GPC3: variants seen among roughly 807,000 people sequenced by gnomAD.
GPC3 encodes the protein glypican-3.
In GPC3, 3 loss-of-function variants were observed where a neutral mutation model predicts 34.4. That is an observed-to-expected ratio of 0.09 (90% confidence interval 0.04 to 0.23). The LOEUF (loss-of-function observed/expected upper bound fraction) is 0.23. Ranked by LOEUF, GPC3 falls within the 10% of genes least tolerant of loss-of-function variation. GPC3 has a pLI of 1.00. For missense variants in GPC3, 351 were observed against 445.6 expected (o/e 0.79, Z 1.91); for synonymous variants, 177 against 174.0 (o/e 1.02, Z -0.13).
At chrX:133,669,387 CAT>C (rs1384765900) in intron 5 of GPC3, among the ~76,000 whole-genome samples, 2 of 112,505 alleles carry the variant, frequency 1.8e-5, no homozygotes, top group Non-Finnish European at 3.8e-5. Context: ...TTTCATGTAA[CAT>C]GTGTGCTCTG....
chrX:133,776,922 C>T (rs901727549), intron 2 of GPC3, among the ~76,000 whole-genome samples: 1 of 99,168 alleles, frequency 1.0e-5, no homozygotes, highest in Non-Finnish European at 2.0e-5. Flanking sequence ...CACTGTCGCC[C>T]GCGCTGGAGT....
At chrX:133,771,575 A>C (rs746015159) in intron 2 of GPC3, among the ~76,000 whole-genome samples, 1 of 112,011 alleles carries the variant, frequency 8.9e-6, no homozygotes, top group African/African-American at 3.2e-5. Flanking sequence ...ATCACTGAAA[A>C]TTCTATTTGT....
chrX:133,976,608 C>T (rs140443016), intron 1 of GPC3, among the ~76,000 whole-genome samples: 1,421 of 73,767 alleles, frequency 0.019, 10 homozygotes, highest in Middle Eastern at 0.078. Flanking sequence ...CCTCTTCAAT[C>T]GTAAGTTTTA....
chrX:133,903,947 G>T (rs1413767897), intron 2 of GPC3, among the ~76,000 whole-genome samples: 1 of 111,721 alleles, frequency 9.0e-6, no homozygotes, highest in East Asian at 2.8e-4. Flanking sequence ...CTGGCCCACA[G>T]GTACCCTGGC....
intron 3 of GPC3, among the ~76,000 whole-genome samples, chrX:133,705,549 A>T (rs2071207974): frequency 8.9e-6 from 1 of 112,201 alleles, no homozygotes; most frequent in Non-Finnish European, 1.9e-5. Context: ...AAGCAAGGTC[A>T]CAATGTTAGT....
intron 1 of GPC3, among the ~76,000 whole-genome samples, chrX:133,970,614 G>C (rs764624421): frequency 9.2e-6 from 1 of 108,319 alleles, no homozygotes; most frequent in South Asian, 4.1e-4. Flanking sequence ...TGACTAAAAG[G>C]CTTCCATTTA....
At position 133,587,081 on chromosome X, in the gene GPC3, C is replaced by A. The variant is rs2069795834; in HGVS notation, c.1573+9359G>T. On this transcript the variant is annotated intron_variant, in intron 7 of 7. Coordinates refer to ENST00000370818, the MANE Select transcript of GPC3 (RefSeq NM_004484.4). ...CTCTTATCTAGCTGCAATTTTGTAT[C>A]CTTTGACATGTCTCTCCCTACCCCA... Among the ~76,000 whole-genome samples the A allele has an allele frequency of 2.7e-5, 3 of 111,615 alleles. No individual in the cohort carries two copies. In the South Asian group the frequency reaches 1.1e-3, roughly 42 times the overall value.
intron 7 of GPC3, among the ~76,000 whole-genome samples, chrX:133,545,941 T>C (rs1447468009): frequency 1.8e-5 from 2 of 108,917 alleles, no homozygotes; most frequent in Non-Finnish European, 3.8e-5. Context: ...TACTGATAAA[T>C]GGCACCACAT....
intron 6 of GPC3, among the ~76,000 whole-genome samples, chrX:133,612,897 G>A (rs1246082639): frequency 8.9e-6 from 1 of 111,926 alleles, no homozygotes; most frequent in East Asian, 2.8e-4. Context: ...CTTCTGGGAA[G>A]AATGGCTCAT....
At chrX:133,702,078 G>A (rs1272421509) in intron 3 of GPC3, among the ~76,000 whole-genome samples, 1 of 112,117 alleles carries the variant, frequency 8.9e-6, no homozygotes, top group African/African-American at 3.2e-5. Context: ...AACTTCAAAC[G>A]AAGCGTGTGC....
At chrX:133,811,257 C>T (rs2075663904) in intron 2 of GPC3, among the ~76,000 whole-genome samples, 1 of 111,423 alleles carries the variant, frequency 9.0e-6, no homozygotes, top group Non-Finnish European at 1.9e-5. Context: ...AATTACAGAG[C>T]TTCATTCCTT....
intron 2 of GPC3, among the ~76,000 whole-genome samples, chrX:133,906,184 T>C (rs2076166939): frequency 8.9e-6 from 1 of 111,855 alleles, no homozygotes; most frequent in African/African-American, 3.2e-5. Flanking sequence ...CAGTGTTCTT[T>C]TTCTAAGTGG....
chrX:133,613,134 A>G (rs1195311064), intron 6 of GPC3, among the ~76,000 whole-genome samples: 1 of 112,294 alleles, frequency 8.9e-6, no homozygotes, highest in African/African-American at 3.2e-5. Flanking sequence ...AACTGAAATA[A>G]GAGAACATGT....
intron 2 of GPC3, among the ~76,000 whole-genome samples, chrX:133,767,670 A>C (rs2071863738): frequency 9.1e-6 from 1 of 110,216 alleles, no homozygotes; most frequent in South Asian, 4.0e-4. Flanking sequence ...AGGGGAAGAG[A>C]GCTGCTCAGG....
At chrX:133,604,159 C>G (rs1372393161) in intron 6 of GPC3, among the ~76,000 whole-genome samples, 1 of 111,294 alleles carries the variant, frequency 9.0e-6, no homozygotes, top group African/African-American at 3.3e-5. Flanking sequence ...GCTCAGTAAC[C>G]TTACCAAGTT....
At chrX:133,952,976 T>C in intron 2 of GPC3, 74 bp downstream of exon 2, 1 of 856,262 alleles carries the variant, frequency 1.2e-6, no homozygotes, top group Non-Finnish European at 1.7e-6. Context: ...TAAATTATAC[T>C]TAGTATTTGA....
intron 3 of GPC3, among the ~76,000 whole-genome samples, chrX:133,737,973 T>C (rs1336491908): frequency 1.8e-5 from 2 of 111,757 alleles, no homozygotes; most frequent in African/African-American, 6.5e-5. Context: ...ATTCACTTTT[T>C]GTTCTTTTCA....
chrX:133,651,025 A>T (rs763334367), intron 6 of GPC3, among the ~76,000 whole-genome samples: 1 of 111,336 alleles, frequency 9.0e-6, no homozygotes, highest in African/African-American at 3.3e-5. Flanking sequence ...TTTGGCTCTC[A>T]GATGTCTCAC....
intron 2 of GPC3, among the ~76,000 whole-genome samples, chrX:133,757,208 C>T: frequency 9.0e-6 from 1 of 111,234 alleles, no homozygotes; most frequent in East Asian, 2.8e-4. Context: ...GTGGTGCAGG[C>T]AAATAGACTT....
Sources: allele counts gnomAD v4.1 joint callset (sites outside exome capture counted in the v4.1 genomes callset), GRCh38; gene constraint gnomAD v4.1.1; transcripts MANE v1.5; gene names NCBI Gene and HGNC (gene_info 2026-07-23, HGNC 2026-07-21).